Variants in PAK4 observed in about 807,000 individuals in gnomAD.
PAK4 encodes p21 (RAC1) activated kinase 4.
Under a neutral mutation model 53.5 loss-of-function variants are expected in PAK4, and 49 were observed. The ratio of observed to expected loss-of-function variants is 0.92; its 90% CI spans 0.73 to 1.16. The LOEUF (loss-of-function observed/expected upper bound fraction) is 1.16. Ranked by LOEUF, PAK4 falls within the 50% of genes most tolerant of loss-of-function variation. The pLI is 0.00. For missense variants in PAK4, 824 were observed against 850.7 expected, an observed-to-expected ratio of 0.97 and a Z score of 0.39; for synonymous variants, 376 against 375.6, an observed-to-expected ratio of 1.00 and a Z score of -0.01.
At chr19:39,143,660 ATGAC>A (rs1157383205) in intron 1 of PAK4, among the ~76,000 whole-genome samples, 1 of 149,594 alleles carries the variant, frequency 6.7e-6, no homozygotes, top group Non-Finnish European at 1.5e-5. Flanking sequence ...AAGAAAGAAA[ATGAC>A]TGGGCACAGT....
chr19:39,178,669 C>G lies in PAK4; in HGVS notation c.*90C>G. The G allele has an allele frequency of 8.1e-7, 1 of 1,229,972 alleles. No homozygotes were observed. The highest frequency in any genetic ancestry group is 1.5e-5 in the African/African-American group (1 of 65,112). The allele number at this position is 1,229,972 out of a possible 1,614,324, so 76.2% of individuals were successfully genotyped here. A position where few individuals can be genotyped will look rare whatever the true frequency, so the allele number is the denominator to read the frequency against. On this transcript the variant is annotated 3_prime_UTR_variant, in exon 9 of 9. Transcript: ENST00000358301. The surrounding 1 kb of genome is among the most constrained non-coding windows in gnomAD (Gnocchi z 4.4). Reference sequence around the variant, plus strand: ...AGGGGGCCAGGCCTCCCACTCCTCCCAGCCCGGGAGATGCTCCGCGTGGCA... The same window carrying G: ...AGGGGGCCAGGCCTCCCACTCCTCCGAGCCCGGGAGATGCTCCGCGTGGCA...
At chr19:39,181,649 C>G (rs1169461000), downstream of PAK4, 1 of 152,296 alleles carries the variant, frequency 6.6e-6, no homozygotes, top group Non-Finnish European at 1.5e-5. Flanking sequence ...CCCGGGGGGT[C>G]TACAGATCCA....
chr19:39,136,607 T>C (rs2145126758), intron 1 of PAK4: 1 of 152,142 alleles, frequency 6.6e-6, no homozygotes. Flanking sequence ...GTTACTTCCA[T>C]TATGACATGT....
At chr19:39,158,176 T>C (rs2074221885) in intron 1 of PAK4, among the ~76,000 whole-genome samples, 1 of 148,980 alleles carries the variant, frequency 6.7e-6, no homozygotes, top group South Asian at 2.1e-4. Flanking sequence ...TGTTTGTGAG[T>C]GTGCATGTGT....
chr19:39,126,444 CGGGGGGGGGGGG>C (rs4058696), intron 1 of PAK4, among the ~76,000 whole-genome samples: 7 of 59,710 alleles, frequency 1.2e-4, no homozygotes, highest in Non-Finnish European at 2.2e-4. Flanking sequence ...TTGCGGGGGA[CGGGGGGGGGGGG>C]GGGGGCCGGG....
chr19:39,131,768 C>G (rs1051585418), intron 1 of PAK4, among the ~76,000 whole-genome samples: 17 of 152,352 alleles, frequency 1.1e-4, no homozygotes, highest in African/African-American at 4.1e-4. Flanking sequence ...GGCAGTGGAA[C>G]TTCCCTGCCA....
At position 39,139,588 on chromosome 19, in the gene PAK4, G is replaced by A. The variant is rs188810486; in HGVS notation, c.-23+13669G>A. Among the ~76,000 whole-genome samples the A allele has an allele frequency of 2.0e-5, 3 of 152,308 alleles. No homozygotes were observed. The East Asian group carries it at 5.8e-4, about 29-fold the overall frequency. On this transcript the variant is annotated intron_variant, in intron 1 of 8. Transcript: ENST00000358301. Reference sequence around the variant, plus strand: ...TCCTGATGGTCCTAAGTGGGGGAAGGTGAGCCAGAGAGGGCCTTCTGGGTA... The same window carrying A: ...TCCTGATGGTCCTAAGTGGGGGAAGATGAGCCAGAGAGGGCCTTCTGGGTA...
intron 1 of PAK4, among the ~76,000 whole-genome samples, chr19:39,133,994 C>T (rs2073763593): frequency 6.6e-6 from 1 of 152,170 alleles, no homozygotes; most frequent in South Asian, 2.1e-4. Context: ...AGACCCGTCC[C>T]CAGGTGAAGA....
chr19:39,141,210 C>T (rs1568501580), intron 1 of PAK4, among the ~76,000 whole-genome samples: 3 of 152,208 alleles, frequency 2.0e-5, no homozygotes, highest in African/African-American at 7.2e-5. Context: ...TCCTCACCTC[C>T]CTGCTTATTT....
intron 1 of PAK4, among the ~76,000 whole-genome samples, chr19:39,155,116 C>A (rs1397387110): frequency 6.6e-6 from 1 of 152,216 alleles, no homozygotes; most frequent in African/African-American, 2.4e-5. Flanking sequence ...CGCTTGCTCA[C>A]TGTTGTCCCT....
At chr19:39,134,604 C>CA (rs1555774428) in intron 1 of PAK4, among the ~76,000 whole-genome samples, 1 of 151,190 alleles carries the variant, frequency 6.6e-6, no homozygotes, top group East Asian at 1.9e-4. Context: ...GTATAATATT[C>CA]TTTTTTTTTC....
chr19:39,173,385 T>A lies in PAK4; in HGVS notation c.663+9T>A. 1.3e-6 allele frequency: 2 copies of A among 1,511,098 alleles called. No homozygotes were observed. The highest frequency in any genetic ancestry group is 1.8e-6 in the Non-Finnish European group (2 of 1,128,280). 93.6% of individuals were successfully genotyped at this position (1,511,098 alleles called of 1,614,324 possible). Reference sequence around the variant, plus strand: ...CATCCCGGGGTGCCCAGGTAACCCATCCCCCGCCCCAGGGCCCCCACTGTC... The same window carrying A: ...CATCCCGGGGTGCCCAGGTAACCCAACCCCCGCCCCAGGGCCCCCACTGTC... On this transcript the variant is annotated intron_variant, in intron 3 of 8. Transcript: ENST00000358301. The surrounding 1 kb of genome is among the most constrained non-coding windows in gnomAD (Gnocchi z 6.9).
chr19:39,146,401 C>T (rs907836874), intron 1 of PAK4, among the ~76,000 whole-genome samples: 2 of 152,280 alleles, frequency 1.3e-5, no homozygotes, highest in Middle Eastern at 3.4e-3. Flanking sequence ...GGTTAGTTTG[C>T]GGAACATTGT....
chr19:39,126,764 G>C (rs1474749598), intron 1 of PAK4, among the ~76,000 whole-genome samples: 1 of 152,138 alleles, frequency 6.6e-6, no homozygotes, highest in Non-Finnish European at 1.5e-5. Flanking sequence ...TGTTTAATGA[G>C]GGCTCACACT....
rs770871895 is a variant in PAK4 at position 39,175,082 on chromosome 19, G to C, written c.1232+18G>C. On this transcript the variant is annotated intron_variant, in intron 5 of 8. Coordinates refer to ENST00000358301, the Ensembl canonical transcript of PAK4. This position sits in a 1 kb window ranked among gnomAD's most constrained non-coding sequence, Gnocchi z 4.7. ...CACACCAGGTATTTCTGGGGCCTCA[G>C]ACCCCTCCTGTGACACGACCAAGTC... 1.4e-5 allele frequency: 22 copies of C among 1,595,054 alleles called. No individual in the cohort carries two copies. Among genetic ancestry groups the C allele is most frequent in the Non-Finnish European group, 1.8e-5 (21 of 1,170,428 alleles).
At position 39,132,111 on chromosome 19, in the gene PAK4, G is replaced by A. The variant is rs147058719; in HGVS notation, c.-23+6192G>A. 2.4e-4 allele frequency among the ~76,000 whole-genome samples: 37 copies of A among 152,326 alleles called. No individual in the cohort carries two copies. In the East Asian group the frequency reaches 5.4e-3, roughly 22 times the overall value. On this transcript the variant is annotated intron_variant, in intron 1 of 8. Transcript: ENST00000358301. ...GGTCCCAGCTCCACGTGCCAGGCAC[G>A]CGTGTGCTGTGAGTCTATGAGCATG...
At position 39,176,397 on chromosome 19, in the gene PAK4, C is replaced by T. The variant is rs975998535; in HGVS notation, c.1360-193C>T. Reference sequence around the variant, plus strand: ...GGGATCGTGGGGGAGGTGACTTGCCCGAGGGCCCCCACCAGGAGGTGGTGG... The same window carrying T: ...GGGATCGTGGGGGAGGTGACTTGCCTGAGGGCCCCCACCAGGAGGTGGTGG... On this transcript the variant is annotated intron_variant, in intron 6 of 8. Transcript: ENST00000358301. 14 of 704,572 alleles carry T rather than the reference C, an allele frequency of 2.0e-5. No individual in the cohort carries two copies. The Admixed American group carries it at 2.6e-4, about 13-fold the overall frequency. 43.6% of individuals were successfully genotyped at this position (704,572 alleles called of 1,614,324 possible). A position where few individuals can be genotyped will look rare whatever the true frequency, so the allele number is the denominator to read the frequency against.
chr19:39,176,372 G>C, intron 6 of PAK4: 1 of 611,418 alleles, frequency 1.6e-6, no homozygotes, highest in Non-Finnish European at 2.9e-6. Context: ...GGGAAATGGG[G>C]GGATCGTGGG....
In PAK4 at chr19:39,173,603, GGGCCATCAGCGGGGGGCCT is replaced by G; in HGVS notation, c.699_717del (p.Ala234ProfsTer129). The stretch of plus-strand genomic sequence containing the variant: ...GGAGCCTCATGACGTGGCCCCTAAC[GGGCCATCAGCGGGGGGCCT>G]GGCCATCCCCCAGTCCTCCTCCTCC... On this transcript the variant is annotated frameshift_variant, in exon 4 of 9. Coordinates refer to ENST00000358301, the Ensembl canonical transcript of PAK4. LOFTEE classifies it high-confidence loss of function. The surrounding 1 kb of genome is among the most constrained non-coding windows in gnomAD (Gnocchi z 6.9). The G allele has an allele frequency of 6.5e-7, 1 of 1,529,878 alleles. No homozygotes were observed. The highest frequency in any genetic ancestry group is 8.8e-7 in the Non-Finnish European group (1 of 1,141,120). The allele number at this position is 1,529,878 out of a possible 1,614,324, so 94.8% of individuals were successfully genotyped here. A position where few individuals can be genotyped will look rare whatever the true frequency, so the allele number is the denominator to read the frequency against.
Sources: allele counts gnomAD v4.1 joint callset (sites outside exome capture counted in the v4.1 genomes callset), GRCh38; gene constraint gnomAD v4.1.1; non-coding constraint Gnocchi (gnomAD v3.1); transcripts MANE v1.5; gene names NCBI Gene and HGNC (gene_info 2026-07-23, HGNC 2026-07-21).